Variants in KCTD1 observed in about 807,000 individuals in gnomAD.
The protein encoded by KCTD1 is potassium channel tetramerization domain containing 1, also known as BTB/POZ domain-containing protein KCTD1.
A neutral mutation model predicts 66.0 loss-of-function variants in KCTD1; 24 were observed. That is an observed-to-expected ratio of 0.36 (90% CI 0.26 to 0.51). KCTD1 has a LOEUF of 0.51. Among genes scored for constraint, KCTD1 ranks in the 20% least tolerant of loss-of-function variants. KCTD1 has a pLI of 0.95. For synonymous variants in KCTD1, 511 were observed against 517.2 expected, an observed-to-expected ratio of 0.99 and a Z score of 0.16; for missense variants, 943 against 1,205.2, an observed-to-expected ratio of 0.78 and a Z score of 3.22.
chr18:26,578,342 G>A (rs778361097), intron 1 of KCTD1, among the ~76,000 whole-genome samples: 2 of 151,992 alleles, frequency 1.3e-5, no homozygotes, highest in African/African-American at 2.4e-5. Flanking sequence ...GAACTGAACC[G>A]CCTTTAATGA....
chr18:26,464,385 TA>T (rs1289775712), intron 3 of KCTD1, among the ~76,000 whole-genome samples: 13 of 152,244 alleles, frequency 8.5e-5, no homozygotes, highest in Non-Finnish European at 1.8e-4. Context: ...CCGCTGTGAT[TA>T]TACAGGGCCC....
chr18:26,499,593 AT>A (rs1317048793), intron 2 of KCTD1, among the ~76,000 whole-genome samples: 2 of 152,346 alleles, frequency 1.3e-5, no homozygotes, highest in East Asian at 3.9e-4. Context: ...CAACCTTCAC[AT>A]TCTTTCATAA....
chr18:26,501,201 G>A lies in KCTD1; in HGVS notation c.1859C>T (p.Ser620Phe). ...AGGGATGCCTTGGTTGTTCAGTGGA[G>A]ATGCAGGGGATCTAGTGATCAGAGG... ...SRPLITRSPA[S>F]PLNNQGIPTP... Residue 620 changes from serine (S) to phenylalanine (F), a missense_variant, in exon 2 of 5, where the codon TCT becomes TTT. By Grantham distance (155) the Ser-to-Phe change is radical (BLOSUM62 -2). This residue lies in a region of KCTD1 where 41 missense variants were observed against 103.8 expected (regional missense o/e 0.39). Coordinates refer to ENST00000580059, the MANE Select transcript of KCTD1 (RefSeq NM_001142730.3). The A allele has an allele frequency of 6.2e-7, 1 of 1,614,196 alleles. No homozygotes were observed.
intron 2 of KCTD1, among the ~76,000 whole-genome samples, chr18:26,478,486 A>G (rs557675387): frequency 6.6e-6 from 1 of 152,392 alleles, no homozygotes; most frequent in Admixed American, 6.5e-5. Context: ...AAATCCAAGC[A>G]CCTATACCGA....
chr18:26,496,387 C>T (rs867842196), intron 2 of KCTD1, among the ~76,000 whole-genome samples: 1 of 152,106 alleles, frequency 6.6e-6, no homozygotes, highest in Non-Finnish European at 1.5e-5. Context: ...TATTGCAGAT[C>T]TGAACTGGGT....
At chr18:26,599,404 G>C (rs1986838971) in intron 1 of KCTD1, 2 of 1,611,362 alleles carry the variant, frequency 1.2e-6, no homozygotes, top group African/African-American at 2.7e-5. Flanking sequence ...TGCACTGCAA[G>C]AATGGCAGAT....
At chr18:26,627,262 T>TGTGTGTG (rs1987520952) in intron 1 of KCTD1, among the ~76,000 whole-genome samples, 2 of 145,936 alleles carry the variant, frequency 1.4e-5, no homozygotes, top group Admixed American at 6.8e-5. Context: ...CTTCTGGGTT[T>TGTGTGTG]TGTGTGTGTG....
intron 1 of KCTD1, among the ~76,000 whole-genome samples, chr18:26,606,983 C>T (rs901890523): frequency 4.9e-5 from 7 of 142,944 alleles, no homozygotes; most frequent in Non-Finnish European, 7.7e-5. Flanking sequence ...CAAATATAAT[C>T]TTAACTGGAA....
At chr18:26,480,335 A>C (rs1981576222) in intron 2 of KCTD1, among the ~76,000 whole-genome samples, 1 of 152,156 alleles carries the variant, frequency 6.6e-6, no homozygotes. Context: ...TTCTGAGGTA[A>C]ATCTCAAACA....
Position 26,548,135 on chromosome 18 carries a change from C to A in KCTD1, c.402G>T (p.Glu134Asp). Reference sequence around the variant, plus strand: ...GGGGCGCCAGCAGTCGCGGCGGCGCCTCGGGCTCCAGCGCGGCGCTCTGGT... The same window carrying A: ...GGGGCGCCAGCAGTCGCGGCGGCGCATCGGGCTCCAGCGCGGCGCTCTGGT... ...NMDQSAALEP[E>D]APPRLLAPRA... is the part of the protein sequence containing the mutation. The change falls in exon 1 of 5, where the codon GAG becomes GAT. Residue 134 changes from glutamate to aspartate, a missense_variant. Coordinates refer to ENST00000580059, the MANE Select transcript of KCTD1 (RefSeq NM_001142730.3). 1 of 1,329,300 alleles carries A rather than the reference C, an allele frequency of 7.5e-7. No homozygotes were observed. Among genetic ancestry groups the A allele is most frequent in the South Asian group, 2.3e-5 (1 of 43,848 alleles). The allele number at this position is 1,329,300 out of a possible 1,614,324, so 82.3% of individuals were successfully genotyped here. A position where few individuals can be genotyped will look rare whatever the true frequency, so the allele number is the denominator to read the frequency against.
At chr18:26,464,344 C>A (rs1341325848) in intron 3 of KCTD1, among the ~76,000 whole-genome samples, 1 of 152,232 alleles carries the variant, frequency 6.6e-6, no homozygotes, top group African/African-American at 2.4e-5. Flanking sequence ...TCTTCTCTAA[C>A]CCCGGCCCTC....
At chr18:26,482,089 G>C (rs190291520) in intron 2 of KCTD1, among the ~76,000 whole-genome samples, 6 of 152,324 alleles carry the variant, frequency 3.9e-5, no homozygotes, top group African/African-American at 9.6e-5. Flanking sequence ...AGGATGCATG[G>C]CTGGGTAGAC....
At position 26,601,294 on chromosome 18, in the gene KCTD1, A is replaced by G. The variant is rs180792528; in HGVS notation, c.-16+27853T>C. 9.1e-5 allele frequency among the ~76,000 whole-genome samples: 11 copies of G among 120,446 alleles called. No homozygotes were observed. The East Asian group carries it at 2.3e-3, about 25-fold the overall frequency. The allele number at this position is 120,446 out of a possible 152,430, so 79.0% of individuals were successfully genotyped here. ...GTGGATTTAAGAGACCTGGATTTTT[A>G]TATTTTGCCAGTAAATAAAAGTGTT... On this transcript the variant is annotated intron_variant, in intron 1 of 4. Transcript: ENST00000317932.
At chr18:26,505,445 C>T (rs1222201230) in intron 1 of KCTD1, among the ~76,000 whole-genome samples, 2 of 152,274 alleles carry the variant, frequency 1.3e-5, no homozygotes, top group Admixed American at 6.5e-5. Context: ...TGATAAAACT[C>T]CCTCCGGAAT....
intron 1 of KCTD1, among the ~76,000 whole-genome samples, chr18:26,527,482 C>CA (rs1342328848): frequency 3.6e-3 from 227 of 62,856 alleles, no homozygotes; most frequent in Middle Eastern, 0.032. Context: ...AGGGCTACTG[C>CA]AAAAAAAAAA....
intron 1 of KCTD1, among the ~76,000 whole-genome samples, chr18:26,593,774 AG>A (rs1194071890): frequency 1.4e-4 from 12 of 85,138 alleles, no homozygotes; most frequent in East Asian, 5.3e-4. Context: ...AAGGACAAGG[AG>A]GGAGGAGGAA....
chr18:26,537,362 A>T (rs555262519), intron 1 of KCTD1, among the ~76,000 whole-genome samples: 2 of 152,346 alleles, frequency 1.3e-5, no homozygotes, highest in South Asian at 4.1e-4. Context: ...TATTCTATAA[A>T]ACCCAAAAAC....
At chr18:26,462,166 C>T (rs1980468649) in intron 3 of KCTD1, among the ~76,000 whole-genome samples, 1 of 152,182 alleles carries the variant, frequency 6.6e-6, no homozygotes, top group Admixed American at 6.5e-5. Flanking sequence ...CAGTGAGGCT[C>T]ACAACATAAT....
At chr18:26,535,572 A>G (rs1007374343) in intron 1 of KCTD1, among the ~76,000 whole-genome samples, 4 of 152,264 alleles carry the variant, frequency 2.6e-5, no homozygotes, top group South Asian at 4.2e-4. Flanking sequence ...CACCCGACCC[A>G]TCATGTTCCC....
Sources: allele counts gnomAD v4.1 joint callset (sites outside exome capture counted in the v4.1 genomes callset), GRCh38; gene constraint gnomAD v4.1.1; regional missense constraint gnomAD v4.1.1; transcripts MANE v1.5; gene names NCBI Gene and HGNC (gene_info 2026-07-23, HGNC 2026-07-21).